TBC1D2: variants seen among roughly 807,000 people sequenced by gnomAD.
TBC1D2 encodes the protein TBC1 domain family member 2A.
Under a neutral mutation model 91.1 loss-of-function variants are expected in TBC1D2, and 58 were observed. The ratio of observed to expected loss-of-function variants is 0.64; its 90% confidence interval spans 0.52 to 0.79. The LOEUF (loss-of-function observed/expected upper bound fraction) is 0.79, where lower values mean the gene tolerates loss of function less well. TBC1D2 is among the 30% of genes least tolerant of loss of function. TBC1D2 has a pLI of 0.00. For missense variants in TBC1D2, 1,080 were observed against 1,208.3 expected (o/e 0.89, Z 1.57); for synonymous variants, 482 against 511.5 (o/e 0.94, Z 0.78).
At chr9:98,203,448 G>T (rs746921292) in intron 9 of TBC1D2, 40 bp from the exon 10 acceptor site, 5 of 1,609,302 alleles carry the variant, frequency 3.1e-6, no homozygotes, top group Non-Finnish European at 4.2e-6. Flanking sequence ...TACAGAAGCC[G>T]TGGCCCTGCC....
chr9:98,208,370 T>C (rs1288905166), intron 9 of TBC1D2, among the ~76,000 whole-genome samples: 2 of 151,648 alleles, frequency 1.3e-5, no homozygotes, highest in Non-Finnish European at 2.9e-5. Context: ...AGGGGAGGGG[T>C]GGCTTTGAAA....
At chr9:98,241,526 T>C (rs1434241700) in intron 3 of TBC1D2, among the ~76,000 whole-genome samples, 1 of 152,216 alleles carries the variant, frequency 6.6e-6, no homozygotes, top group Non-Finnish European at 1.5e-5. Context: ...CCTGGCATTT[T>C]CTGTGGGCCA....
At position 98,221,091 on chromosome 9, in the gene TBC1D2, C is replaced by T; in HGVS notation, c.1116G>A (p.Leu372=). 5 of 1,608,546 alleles carry T rather than the reference C, an allele frequency of 3.1e-6. No individual in the cohort carries two copies. Among genetic ancestry groups the T allele is most frequent in the Non-Finnish European group, 3.4e-6 (4 of 1,177,964 alleles). ...GCTCCAGGGCCTCCACCCGCCGGCCCAGCTCCGCGATCTGCCGCACTTTGT... is the reference window on the plus strand; with the variant it reads ...GCTCCAGGGCCTCCACCCGCCGGCCTAGCTCCGCGATCTGCCGCACTTTGT... ...VRHKVRQIAE[L]GRRVEALEQE... Residue 372 remains leucine (L), a synonymous_variant, in exon 6 of 13, where the codon CTG becomes CTA. Transcript: ENST00000465784.
At chr9:98,250,305 G>A (rs1448534988) in intron 2 of TBC1D2, among the ~76,000 whole-genome samples, 1 of 139,984 alleles carries the variant, frequency 7.1e-6, no homozygotes, top group Non-Finnish European at 1.5e-5. Flanking sequence ...GTGAGGTGGT[G>A]GGTGGCATTG....
intron 6 of TBC1D2, among the ~76,000 whole-genome samples, chr9:98,219,977 C>T (rs184467936): frequency 6.6e-5 from 10 of 152,236 alleles, no homozygotes; most frequent in East Asian, 1.9e-4. Context: ...GAGGAGGCTG[C>T]GGGTCACGGC....
intron 6 of TBC1D2, among the ~76,000 whole-genome samples, chr9:98,219,541 G>A (rs1288308791): frequency 6.6e-6 from 1 of 152,216 alleles, no homozygotes; most frequent in Non-Finnish European, 1.5e-5. Context: ...TTGTAGACTG[G>A]ACGCAGACAA....
intron 10 of TBC1D2, among the ~76,000 whole-genome samples, chr9:98,202,043 G>A (rs929294572): frequency 1.3e-5 from 2 of 152,294 alleles, no homozygotes; most frequent in South Asian, 2.1e-4. Flanking sequence ...GGGCCTTGGC[G>A]AAATGGAAGC....
At chr9:98,222,109 C>A (rs1178289198) in intron 5 of TBC1D2, among the ~76,000 whole-genome samples, 1 of 152,184 alleles carries the variant, frequency 6.6e-6, no homozygotes, top group Non-Finnish European at 1.5e-5. Flanking sequence ...TGAGGCCCAG[C>A]AGAGAGTAGA....
chr9:98,237,673 A>T (rs1588057768), intron 3 of TBC1D2, among the ~76,000 whole-genome samples: 3 of 149,692 alleles, frequency 2.0e-5, no homozygotes, highest in South Asian at 4.3e-4. Context: ...TGCCCGGCTA[A>T]TTTTTTTTGT....
intron 2 of TBC1D2, among the ~76,000 whole-genome samples, chr9:98,245,057 G>A (rs906961157): frequency 2.0e-5 from 3 of 152,026 alleles, no homozygotes; most frequent in Non-Finnish European, 2.9e-5. Flanking sequence ...TGGCTAACAC[G>A]GTGAAACCCC....
In TBC1D2 at chr9:98,210,798, G is replaced by A. The variant is rs553532570; in HGVS notation, c.1531C>T (p.Leu511=). The change falls in exon 8 of 13, where the codon CTG becomes TTG. Residue 511 remains leucine (L), a synonymous_variant. Coordinates refer to ENST00000465784, the MANE Select transcript of TBC1D2 (RefSeq NM_001267571.2). ...TCCTGCAGCCTTCTCAGACCGGCCAGGTACTTGCTTTCCACCTGGCAGTTT... is the reference window on the plus strand; with the variant it reads ...TCCTGCAGCCTTCTCAGACCGGCCAAGTACTTGCTTTCCACCTGGCAGTTT... ...ARNCQVESKY[L]AGLRRLQEAL... 6.4e-7 allele frequency: 1 copy of A among 1,553,798 alleles called. No homozygotes were observed. Among genetic ancestry groups the A allele is most frequent in the Non-Finnish European group, 8.7e-7 (1 of 1,148,176 alleles).
intron 7 of TBC1D2, 140 bp downstream of exon 7, chr9:98,212,968 A>G (rs1828884169): frequency 1.2e-6 from 1 of 867,690 alleles, no homozygotes; most frequent in African/African-American, 1.7e-5. Flanking sequence ...GAAGAACCTG[A>G]TATGGGCCCT....
chr9:98,225,563 C>A (rs1452163219), intron 5 of TBC1D2, among the ~76,000 whole-genome samples: 1 of 152,206 alleles, frequency 6.6e-6, no homozygotes, highest in Non-Finnish European at 1.5e-5. Flanking sequence ...GCTGCCTGCG[C>A]ATGGGCAAGT....
At position 98,221,619 on chromosome 9, in the gene TBC1D2, C is replaced by T. The variant is rs544127513; in HGVS notation, c.979-391G>A. Among the ~76,000 whole-genome samples, 5 of 152,338 alleles carry T rather than the reference C, an allele frequency of 3.3e-5. 1 individual carries two copies. In the East Asian group the frequency reaches 9.6e-4, roughly 29 times the overall value. On this transcript the variant is annotated intron_variant, in intron 5 of 12. Transcript: ENST00000465784. ...TAGAGTGGCCGCCTCAGACCCACAG[C>T]AGAAGGTACATGTTGAGAAAGGGCT...
At chr9:98,241,181 A>G (rs1424753433) in intron 3 of TBC1D2, among the ~76,000 whole-genome samples, 1 of 152,216 alleles carries the variant, frequency 6.6e-6, no homozygotes, top group Non-Finnish European at 1.5e-5. Context: ...GACAGAGAGA[A>G]CTGAGATTCA....
In TBC1D2 at chr9:98,199,123, T is replaced by G; in HGVS notation, c.*258A>C. On this transcript the variant is annotated 3_prime_UTR_variant, in exon 13 of 13. Transcript: ENST00000465784. ...GAGGCAGTGCTCTTGCTTGTTTACA[T>G]GCCAAAGTGCTCTGTGGAAGAGGTG... 1 of 589,876 alleles carries G rather than the reference T, an allele frequency of 1.7e-6. No homozygotes were observed. The highest frequency in any genetic ancestry group is 2.0e-5 in the South Asian group (1 of 49,598). The allele number at this position is 589,876 out of a possible 1,614,324, so 36.5% of individuals were successfully genotyped here.
chr9:98,235,436 A>G (rs941185306), intron 3 of TBC1D2: 3 of 482,984 alleles, frequency 6.2e-6, no homozygotes, highest in Non-Finnish European at 1.2e-5. Context: ...GATGAGAAAC[A>G]GCTAATTGAA....
rs1342345100 is a variant in TBC1D2 at position 98,209,152 on chromosome 9, CA to C, written c.1674-9del. The stretch of plus-strand genomic sequence containing the variant: ...CCGTACTCATCATACTTACTGCCAG[CA>C]AAAGTGCACGTTAGCAACACCTTGC... On this transcript the variant is annotated splice_polypyrimidine_tract_variant and intron_variant, in intron 8 of 12. Transcript: ENST00000465784. The C allele has an allele frequency of 3.7e-6, 6 of 1,603,426 alleles. 1 individual carries two copies. The South Asian group carries it at 6.6e-5, about 18-fold the overall frequency.
intron 4 of TBC1D2, among the ~76,000 whole-genome samples, chr9:98,232,908 C>T (rs1829407324): frequency 6.6e-6 from 1 of 152,194 alleles, no homozygotes. Context: ...ACCTCTGCCT[C>T]CCAGGTTCAA....
Sources: allele counts gnomAD v4.1 joint callset (sites outside exome capture counted in the v4.1 genomes callset), GRCh38; gene constraint gnomAD v4.1.1; transcripts MANE v1.5; gene names NCBI Gene and HGNC (gene_info 2026-07-23, HGNC 2026-07-21).